PPARGC1A: variants seen among roughly 807,000 people sequenced by gnomAD.
PPARGC1A encodes the protein peroxisome proliferator-activated receptor gamma coactivator 1-alpha.
A neutral mutation model predicts 88.7 loss-of-function variants in PPARGC1A; 25 were observed. The observed-to-expected ratio is 0.28, with a 90% CI of 0.21 to 0.39. The LOEUF (loss-of-function observed/expected upper bound fraction) is 0.39. Among genes scored for constraint, PPARGC1A ranks in the 10% least tolerant of loss-of-function variants. The probability of loss-of-function intolerance (pLI) is 1.00; values close to 1 mark genes in which losing one functional copy is unlikely to be tolerated. For missense variants in PPARGC1A, 880 were observed against 968.7 expected (o/e 0.91, Z 1.22); for synonymous variants, 363 against 355.6 (o/e 1.02, Z -0.24).
chr4:24,170,322 A>G, the PPARGC1A span, among the ~76,000 whole-genome samples: 13 of 152,318 alleles, frequency 8.5e-5, no homozygotes, highest in South Asian at 2.7e-3. Flanking sequence ...TGCCTTGGGT[A>G]TTGACAGAGC....
At chr4:23,989,642 GC>G in the PPARGC1A span, among the ~76,000 whole-genome samples, 1 of 152,036 alleles carries the variant, frequency 6.6e-6, no homozygotes. Flanking sequence ...TTTACCACTG[GC>G]ATGGTTGTTG....
the PPARGC1A span, among the ~76,000 whole-genome samples, chr4:24,238,743 ATATG>A: frequency 0.17 from 19,535 of 118,316 alleles, 1,621 homozygotes; most frequent in East Asian, 0.22. Flanking sequence ...CCAAGGTTGT[ATATG>A]TGTGTGTGTG....
chr4:24,303,746 T>C, the PPARGC1A span, among the ~76,000 whole-genome samples: 1 of 152,266 alleles, frequency 6.6e-6, no homozygotes, highest in East Asian at 1.9e-4. Context: ...TGGAGTAGAG[T>C]ACATCATCTG....
chr4:24,140,647 G>T, the PPARGC1A span, among the ~76,000 whole-genome samples: 1 of 152,146 alleles, frequency 6.6e-6, no homozygotes, highest in African/African-American at 2.4e-5. Context: ...GAATTCTGCT[G>T]ACAAAAGGGA....
At chr4:24,102,352 A>G in the PPARGC1A span, among the ~76,000 whole-genome samples, 1 of 152,158 alleles carries the variant, frequency 6.6e-6, no homozygotes. Flanking sequence ...CACAACAGTG[A>G]TGTCCACACA....
At chr4:24,042,679 T>A in the PPARGC1A span, among the ~76,000 whole-genome samples, 3 of 152,202 alleles carry the variant, frequency 2.0e-5, no homozygotes, top group Non-Finnish European at 4.4e-5. Flanking sequence ...CTCATGTCAG[T>A]CATCTTAATG....
the PPARGC1A span, among the ~76,000 whole-genome samples, chr4:23,941,794 C>T: frequency 7.2e-5 from 11 of 152,236 alleles, no homozygotes; most frequent in East Asian, 2.1e-3. Context: ...GGAATTGTCA[C>T]TAAAGGAACT....
the PPARGC1A span, among the ~76,000 whole-genome samples, chr4:24,121,444 TA>T: frequency 9.9e-5 from 15 of 152,132 alleles, no homozygotes; most frequent in African/African-American, 3.4e-4. Context: ...ACACAACTGC[TA>T]GGGGGAGAGT....
chr4:23,901,411 G>A (rs1180360731), upstream of PPARGC1A, among the ~76,000 whole-genome samples: 2 of 148,836 alleles, frequency 1.3e-5, no homozygotes, highest in Non-Finnish European at 3.0e-5. Context: ...GGGCATGGTG[G>A]CATGCGCCTA....
At chr4:24,441,515 C>T in the PPARGC1A span, among the ~76,000 whole-genome samples, 13 of 152,060 alleles carry the variant, frequency 8.5e-5, no homozygotes, top group Non-Finnish European at 1.2e-4. Context: ...AGGTACCACC[C>T]GGAACAAAAT....
chr4:23,859,305 C>T (rs1415259557), intron 2 of PPARGC1A, among the ~76,000 whole-genome samples: 1 of 152,082 alleles, frequency 6.6e-6, no homozygotes, highest in Non-Finnish European at 1.5e-5. Context: ...GAGCCACTAG[C>T]GAGCCATGTC....
chr4:24,010,999 G>T, the PPARGC1A span, among the ~76,000 whole-genome samples: 1 of 152,104 alleles, frequency 6.6e-6, no homozygotes, highest in Non-Finnish European at 1.5e-5. Flanking sequence ...ATAATGAGGG[G>T]TAGTGGGTTT....
the PPARGC1A span, among the ~76,000 whole-genome samples, chr4:24,341,699 C>A: frequency 7.2e-5 from 11 of 152,180 alleles, no homozygotes; most frequent in Non-Finnish European, 2.9e-5. Context: ...AGAAAGAACA[C>A]TCTAGGCAGA....
the PPARGC1A span, among the ~76,000 whole-genome samples, chr4:24,227,122 T>C: frequency 2.9e-3 from 447 of 152,290 alleles, 3 homozygotes; most frequent in African/African-American, 0.01. Flanking sequence ...TCTCACTCTG[T>C]TGCCCAGGCT....
the PPARGC1A span, among the ~76,000 whole-genome samples, chr4:23,984,144 G>A: frequency 1.3e-5 from 2 of 151,952 alleles, no homozygotes; most frequent in East Asian, 1.9e-4. Context: ...CATATCTTCT[G>A]GACATCCACA....
the PPARGC1A span, among the ~76,000 whole-genome samples, chr4:24,128,433 A>G: frequency 6.6e-6 from 1 of 151,988 alleles, no homozygotes; most frequent in African/African-American, 2.4e-5. Flanking sequence ...TGAAAGAGTG[A>G]CTCATGCTTC....
the PPARGC1A span, among the ~76,000 whole-genome samples, chr4:24,252,398 G>T: frequency 5.9e-5 from 9 of 152,152 alleles, no homozygotes; most frequent in Non-Finnish European, 1.2e-4. Flanking sequence ...TAGCTTTTCA[G>T]TTGTGTTTCT....
At chr4:23,855,211 T>C (rs1729984991) in intron 2 of PPARGC1A, among the ~76,000 whole-genome samples, 2 of 152,188 alleles carry the variant, frequency 1.3e-5, no homozygotes, top group South Asian at 4.1e-4. Flanking sequence ...GTGAGTCCAT[T>C]AAACCTCTTT....
At chr4:24,305,598 A>C in the PPARGC1A span, among the ~76,000 whole-genome samples, 2 of 152,162 alleles carry the variant, frequency 1.3e-5, no homozygotes, top group Non-Finnish European at 1.5e-5. Flanking sequence ...GGATCACCTG[A>C]AGTTGGGAGT....
Sources: gnomAD v4.1 joint callset for allele counts (sites outside exome capture counted in the v4.1 genomes callset) on GRCh38, gnomAD v4.1.1 for gene constraint, MANE v1.5 for transcripts, NCBI Gene and HGNC (gene_info 2026-07-23, HGNC 2026-07-21) for gene names.